Variants in CDK19 observed in about 807,000 individuals in gnomAD.
CDK19 encodes the protein cyclin-dependent kinase 19.
In CDK19, 20 loss-of-function variants were observed where a neutral mutation model predicts 68.3. The observed-to-expected ratio is 0.29, with a 90% CI of 0.21 to 0.43. The LOEUF is 0.43. Ranked by LOEUF, CDK19 falls within the 20% of genes least tolerant of loss-of-function variation. CDK19 has a pLI of 1.00. For synonymous variants in CDK19, 221 were observed against 222.8 expected, an observed-to-expected ratio of 0.99 and a Z score of 0.07; for missense variants, 339 against 623.5, an observed-to-expected ratio of 0.54 and a Z score of 4.86.
At chr6:110,643,954 GTTAAT>G (rs536706669) in intron 4 of CDK19, among the ~76,000 whole-genome samples, 90 of 151,822 alleles carry the variant, frequency 5.9e-4, no homozygotes, top group Non-Finnish European at 8.4e-4. Context: ...TAAAAATTAA[GTTAAT>G]TTAATTTAAT....
chr6:110,646,051 C>A, intron 4 of CDK19: 1 of 909,106 alleles, frequency 1.1e-6, no homozygotes, highest in South Asian at 1.4e-5. Context: ...GAAGCTATCC[C>A]TTTGTTGCCA....
At chr6:110,718,776 A>AT (rs1190302697) in intron 2 of CDK19, among the ~76,000 whole-genome samples, 3 of 152,220 alleles carry the variant, frequency 2.0e-5, no homozygotes, top group Non-Finnish European at 4.4e-5. Context: ...AGAATCACTA[A>AT]AAGATATACC....
chr6:110,654,549 A>G (rs1781177265), intron 4 of CDK19, among the ~76,000 whole-genome samples: 1 of 152,246 alleles, frequency 6.6e-6, no homozygotes, highest in Non-Finnish European at 1.5e-5. Context: ...ATGAGTAAAC[A>G]AATAAGTGAA....
At chr6:110,628,737 T>C (rs2691182) in intron 6 of CDK19, among the ~76,000 whole-genome samples, 85,212 of 152,046 alleles carry the variant, frequency 0.56, 24,947 homozygotes, top group East Asian at 0.88. Flanking sequence ...AAACAAATTG[T>C]CAAATGGAAA....
At chr6:110,744,142 G>T (rs1245073987) in intron 2 of CDK19, among the ~76,000 whole-genome samples, 1 of 151,450 alleles carries the variant, frequency 6.6e-6, no homozygotes. Context: ...GAGTAACTGG[G>T]ACTACAGGCG....
At chr6:110,656,155 A>T (rs1476807990) in intron 4 of CDK19, among the ~76,000 whole-genome samples, 2 of 152,068 alleles carry the variant, frequency 1.3e-5, no homozygotes, top group African/African-American at 4.8e-5. Context: ...TTCTTTTGTA[A>T]ACCTTGTTGC....
intron 1 of CDK19, among the ~76,000 whole-genome samples, chr6:110,809,212 CAA>C (rs1274348322): frequency 2.4e-4 from 25 of 102,444 alleles, no homozygotes; most frequent in Admixed American, 3.2e-4. Context: ...GACTCCATCT[CAA>C]AAAAAAAAAA....
Position 110,815,190 on chromosome 6 carries a change from C to T in CDK19, c.-54G>A, listed in dbSNP as rs1783531804. 2.7e-6 allele frequency: 4 copies of T among 1,477,554 alleles called. No individual in the cohort carries two copies. Among genetic ancestry groups the T allele is most frequent in the Non-Finnish European group, 2.7e-6 (3 of 1,107,178 alleles). The allele number at this position is 1,477,554 out of a possible 1,614,324, so 91.5% of individuals were successfully genotyped here. On this transcript the variant is annotated 5_prime_UTR_variant, in exon 1 of 13. Transcript: ENST00000368911. ...CGCGGGGGCCGCCGCCGCTCAGTCC[C>T]TCCTCCTCCTCCCCCCGCGACCGCC... is the stretch of plus-strand genomic sequence containing the variant.
chr6:110,807,873 T>C (rs1301021834), intron 1 of CDK19, among the ~76,000 whole-genome samples: 2 of 151,614 alleles, frequency 1.3e-5, no homozygotes, highest in Non-Finnish European at 2.9e-5. Context: ...AATGGCATCA[T>C]CATAGCTCAC....
intron 4 of CDK19, chr6:110,646,210 C>T (rs1780561124): frequency 2.8e-6 from 4 of 1,405,728 alleles, no homozygotes; most frequent in South Asian, 2.7e-5. Context: ...AGCAACTCGT[C>T]GGGGTCCGAC....
intron 2 of CDK19, among the ~76,000 whole-genome samples, chr6:110,744,341 C>T (rs1777919791): frequency 6.6e-6 from 1 of 151,416 alleles, no homozygotes; most frequent in South Asian, 2.1e-4. Context: ...TGGAAAATCA[C>T]CAAATTAGAA....
chr6:110,630,239 C>T (rs1487246119), intron 6 of CDK19, among the ~76,000 whole-genome samples: 1 of 152,206 alleles, frequency 6.6e-6, no homozygotes, highest in East Asian at 1.9e-4. Context: ...GGAAATCTCC[C>T]TTCTAGAGCT....
chr6:110,646,408 C>A (rs1048461128), intron 4 of CDK19: 3 of 1,483,792 alleles, frequency 2.0e-6, no homozygotes, highest in African/African-American at 1.4e-5. Flanking sequence ...TGCTGGCGGG[C>A]GGCGACATGG....
chr6:110,746,413 G>A (rs1778083178), intron 1 of CDK19, among the ~76,000 whole-genome samples: 1 of 152,090 alleles, frequency 6.6e-6, no homozygotes, highest in African/African-American at 2.4e-5. Flanking sequence ...ATCAGACACA[G>A]CGAAAACACA....
At chr6:110,628,442 T>G (rs975508192) in intron 6 of CDK19, among the ~76,000 whole-genome samples, 2 of 152,210 alleles carry the variant, frequency 1.3e-5, no homozygotes, top group African/African-American at 4.8e-5. Flanking sequence ...AGTTTTAAAT[T>G]GTGTACCATT....
chr6:110,625,774 A>AG (rs1235616628), intron 8 of CDK19, among the ~76,000 whole-genome samples: 1 of 152,186 alleles, frequency 6.6e-6, no homozygotes, highest in Non-Finnish European at 1.5e-5. Context: ...AGATGGATAC[A>AG]GGCAAAGGAC....
intron 2 of CDK19, among the ~76,000 whole-genome samples, chr6:110,719,816 C>T (rs1433937908): frequency 3.3e-5 from 5 of 152,004 alleles, no homozygotes; most frequent in African/African-American, 9.7e-5. Flanking sequence ...CTGCAACTTC[C>T]GCCTCCCAGG....
intron 2 of CDK19, among the ~76,000 whole-genome samples, chr6:110,740,298 G>A (rs910072456): frequency 6.6e-6 from 1 of 152,054 alleles, no homozygotes; most frequent in Non-Finnish European, 1.5e-5. Context: ...GATCACAGAG[G>A]CCACAAATGT....
At chr6:110,783,275 T>C (rs1780949571) in intron 1 of CDK19, among the ~76,000 whole-genome samples, 2 of 152,286 alleles carry the variant, frequency 1.3e-5, no homozygotes, top group East Asian at 1.9e-4. Context: ...CGGAGTGTAA[T>C]AGCTTTACTT....
Sources: gnomAD v4.1 joint callset for allele counts (sites outside exome capture counted in the v4.1 genomes callset) on GRCh38, gnomAD v4.1.1 for gene constraint, MANE v1.5 for transcripts, NCBI Gene and HGNC (gene_info 2026-07-23, HGNC 2026-07-21) for gene names.